The following TASP1 variants were observed in gnomAD, a reference collection of about 807,000 sequenced individuals.
TASP1 encodes taspase 1.
TASP1 carries 16 observed loss-of-function variants against 56.6 expected under a neutral mutation model. That is an observed-to-expected ratio of 0.28 (90% CI 0.19 to 0.43). The LOEUF is 0.43. TASP1 is among the 20% of genes least tolerant of loss of function. The pLI, the probability that TASP1 is intolerant of heterozygous loss-of-function variation, is 1.00. For missense variants in TASP1, 393 were observed against 511.6 expected, an observed-to-expected ratio of 0.77 and a Z score of 2.24; for synonymous variants, 179 against 184.2, an observed-to-expected ratio of 0.97 and a Z score of 0.23.
chr20:13,379,922 C>G, the TASP1 span, among the ~76,000 whole-genome samples: 13 of 152,190 alleles, frequency 8.5e-5, no homozygotes, highest in Non-Finnish European at 7.3e-5. Flanking sequence ...TCAGCTCCAT[C>G]CGGTCATTTA....
intron 12 of TASP1, among the ~76,000 whole-genome samples, chr20:13,433,520 C>CAAAAAAAAAAAAAAAAAAAAAAAAAAA (rs74746255): frequency 1.1e-5 from 1 of 89,214 alleles, no homozygotes; most frequent in Non-Finnish European, 2.1e-5. Flanking sequence ...GACAGTATGG[C>CAAAAAAAAAAAAAAAAAAAAAAAAAAA]AAAAAAAAAA....
At chr20:13,584,414 C>T (rs1047441891) in intron 5 of TASP1, among the ~76,000 whole-genome samples, 23 of 152,042 alleles carry the variant, frequency 1.5e-4, no homozygotes, top group African/African-American at 5.6e-4. Context: ...AAAACGCAAG[C>T]CACACAAGAG....
the TASP1 span, among the ~76,000 whole-genome samples, chr20:13,131,257 C>T: frequency 1.3e-5 from 2 of 152,146 alleles, no homozygotes; most frequent in Non-Finnish European, 2.9e-5. Flanking sequence ...CTTCTTTCCC[C>T]AACTCTGGGT....
At chr20:13,621,428 C>G (rs113281659) in intron 4 of TASP1, among the ~76,000 whole-genome samples, 65 of 152,088 alleles carry the variant, frequency 4.3e-4, no homozygotes, top group African/African-American at 1.5e-3. Flanking sequence ...GAGAATCCAT[C>G]TCAAAAATAT....
chr20:13,478,344 G>GATAC lies in TASP1; in HGVS notation c.985+4879_985+4882dup, dbSNP rs2043014735. Among the ~76,000 whole-genome samples, 7 of 111,256 alleles carry GATAC rather than the reference G, an allele frequency of 6.3e-5. No homozygotes were observed. In the South Asian group the frequency reaches 1.8e-3, roughly 29 times the overall value. 73.0% of individuals were successfully genotyped at this position (111,256 alleles called of 152,430 possible). Reference sequence around the variant, plus strand: ...ATCAACAGATGACTAAAGAAAATATGATACACACACACACACACACACACA... The same window carrying GATAC: ...ATCAACAGATGACTAAAGAAAATATGATACATACACACACACACACACACACACA... On this transcript the variant is annotated intron_variant, in intron 11 of 13. Transcript: ENST00000337743.
At chr20:13,171,111 AG>A in the TASP1 span, among the ~76,000 whole-genome samples, 4 of 152,200 alleles carry the variant, frequency 2.6e-5, no homozygotes, top group South Asian at 8.3e-4. Context: ...TGCCCTTTTA[AG>A]GGCAAAATAA....
Position 13,397,975 on chromosome 20 carries a change from G to T in TASP1, c.1171-7523C>A, listed in dbSNP as rs1013221292. Among the ~76,000 whole-genome samples, 56 of 152,098 alleles carry T rather than the reference G, an allele frequency of 3.7e-4. 1 individual carries two copies. The highest frequency in any genetic ancestry group is 1.3e-3 in the African/African-American group (54 of 41,410). ...ATAGGGAACCTGGCCTCAACATCCTGATGATTTGTACTAGGTGAAACCCAA... is the reference window on the plus strand; with the variant it reads ...ATAGGGAACCTGGCCTCAACATCCTTATGATTTGTACTAGGTGAAACCCAA... On this transcript the variant is annotated intron_variant, in intron 13 of 13. Transcript: ENST00000337743.
intron 11 of TASP1, among the ~76,000 whole-genome samples, chr20:13,440,283 A>C (rs1238711922): frequency 6.6e-6 from 1 of 152,224 alleles, no homozygotes; most frequent in African/African-American, 2.4e-5. Flanking sequence ...TACAGGATGA[A>C]TGTTCCTTGA....
At chr20:13,471,612 T>A (rs1352444171) in intron 11 of TASP1, among the ~76,000 whole-genome samples, 2 of 152,162 alleles carry the variant, frequency 1.3e-5, no homozygotes, top group Non-Finnish European at 2.9e-5. Flanking sequence ...TAATTGCCAC[T>A]GCCTACAAAT....
At chr20:13,545,196 T>C (rs1397637116) in intron 8 of TASP1, among the ~76,000 whole-genome samples, 1 of 152,208 alleles carries the variant, frequency 6.6e-6, no homozygotes. Context: ...ATACTCTTTA[T>C]CCTTTCGTTC....
intron 5 of TASP1, among the ~76,000 whole-genome samples, chr20:13,585,786 T>G (rs1209649313): frequency 6.6e-6 from 1 of 152,150 alleles, no homozygotes; most frequent in Non-Finnish European, 1.5e-5. Flanking sequence ...AACAATTACT[T>G]TTGAAAACCG....
chr20:13,624,114 G>C (rs1229276845), intron 3 of TASP1, among the ~76,000 whole-genome samples: 1 of 152,168 alleles, frequency 6.6e-6, no homozygotes, highest in Non-Finnish European at 1.5e-5. Flanking sequence ...GAGAGGAAAA[G>C]AGAGAGAAGG....
chr20:13,526,343 T>C (rs2044977090), intron 10 of TASP1, among the ~76,000 whole-genome samples: 1 of 152,152 alleles, frequency 6.6e-6, no homozygotes, highest in African/African-American at 2.4e-5. Flanking sequence ...TTATAATACA[T>C]GATTCCAACT....
At chr20:13,163,837 A>C in the TASP1 span, among the ~76,000 whole-genome samples, 6 of 152,204 alleles carry the variant, frequency 3.9e-5, no homozygotes, top group Non-Finnish European at 2.9e-5. Context: ...CAGGCTCAGA[A>C]AGGTTAAAAA....
chr20:13,375,103 C>CT, the TASP1 span, among the ~76,000 whole-genome samples: 3 of 152,030 alleles, frequency 2.0e-5, no homozygotes, highest in Non-Finnish European at 2.9e-5. Context: ...TTGTTTTTTA[C>CT]TTTAAGTTCT....
At chr20:13,278,720 AT>A in the TASP1 span, among the ~76,000 whole-genome samples, 1 of 152,322 alleles carries the variant, frequency 6.6e-6, no homozygotes, top group East Asian at 1.9e-4. Flanking sequence ...TGGGTCAGGA[AT>A]TTGACTGGGA....
At chr20:13,464,518 G>A (rs1004512285) in intron 11 of TASP1, among the ~76,000 whole-genome samples, 1 of 152,172 alleles carries the variant, frequency 6.6e-6, no homozygotes, top group Non-Finnish European at 1.5e-5. Context: ...TCCATTGACA[G>A]ATGAATGGAT....
chr20:13,579,126 T>A (rs1201241172), intron 6 of TASP1, among the ~76,000 whole-genome samples: 1 of 152,226 alleles, frequency 6.6e-6, no homozygotes, highest in Admixed American at 6.5e-5. Flanking sequence ...TTCATGTTAA[T>A]TAGGTTTTAC....
At chr20:13,518,368 C>A (rs2044612669) in intron 10 of TASP1, among the ~76,000 whole-genome samples, 1 of 152,044 alleles carries the variant, frequency 6.6e-6, no homozygotes, top group South Asian at 2.1e-4. Context: ...CCTCATCATG[C>A]CAGAACACTC....
Sources: gnomAD v4.1 joint callset for allele counts (sites outside exome capture counted in the v4.1 genomes callset) on GRCh38, gnomAD v4.1.1 for gene constraint, MANE v1.5 for transcripts, NCBI Gene and HGNC (gene_info 2026-07-23, HGNC 2026-07-21) for gene names.